PFKL: variants seen among roughly 807,000 people sequenced by gnomAD.
PFKL encodes ATP-dependent 6-phosphofructokinase, liver type.
In PFKL, 74 loss-of-function variants were observed where a neutral mutation model predicts 92.1. The observed-to-expected ratio is 0.80, with a 90% CI of 0.67 to 0.97. The LOEUF (loss-of-function observed/expected upper bound fraction) is 0.97, where lower values mean the gene tolerates loss of function less well. Ranked by LOEUF, PFKL falls within the 50% of genes least tolerant of loss-of-function variation. The pLI is 0.00. For missense variants in PFKL, 1,028 were observed against 1,116.6 expected, an observed-to-expected ratio of 0.92 and a Z score of 1.13; for synonymous variants, 494 against 456.4, an observed-to-expected ratio of 1.08 and a Z score of -1.05.
At chr21:44,322,392 G>T (rs1216757768) in intron 14 of PFKL, among the ~76,000 whole-genome samples, 189 bp downstream of exon 14, 1 of 152,248 alleles carries the variant, frequency 6.6e-6, no homozygotes, top group Non-Finnish European at 1.5e-5. Flanking sequence ...CCGCTGTGTA[G>T]GGCAGGCTGC....
intron 1 of PFKL, among the ~76,000 whole-genome samples, chr21:44,302,736 G>C (rs576941416): frequency 6.6e-6 from 1 of 152,120 alleles, no homozygotes; most frequent in Non-Finnish European, 1.5e-5. Flanking sequence ...GGGACTTCTC[G>C]GGCCTTGATT....
In PFKL at chr21:44,300,059, G is replaced by T; in HGVS notation, c.-47G>T. 1.1e-6 allele frequency: 1 copy of T among 919,804 alleles called. No individual in the cohort carries two copies. The highest frequency in any genetic ancestry group is 1.3e-6 in the Non-Finnish European group (1 of 765,312). The allele number at this position is 919,804 out of a possible 1,614,324, so 57.0% of individuals were successfully genotyped here. On this transcript the variant is annotated 5_prime_UTR_variant, in exon 1 of 22. Transcript: ENST00000349048. Reference sequence around the variant, plus strand: ...GGGGCGGGGCGGGGACGGCGACGCGGCGCAGGCGGCGGGAGTGCGAGCTGG... The same window carrying T: ...GGGGCGGGGCGGGGACGGCGACGCGTCGCAGGCGGCGGGAGTGCGAGCTGG...
rs759224144 is a variant in PFKL, at chr21:44,313,673, G to A, written c.629G>A (p.Arg210Gln). 5.0e-6 allele frequency: 8 copies of A among 1,611,892 alleles called. No homozygotes were observed. In the East Asian group the frequency reaches 6.7e-5, roughly 13 times the overall value. Residue 210 changes from arginine (R) to glutamine (Q), a missense_variant, in exon 6 of 22, where the codon CGG (arginine) becomes CAG (glutamine). Transcript: ENST00000349048. ...ACCTTCGTGCTGGAAGTGATGGGCCGGCACTGCGGGTGAGGAGGGGCTTCC... is the reference window on the plus strand; with the variant it reads ...ACCTTCGTGCTGGAAGTGATGGGCCAGCACTGCGGGTGAGGAGGGGCTTCC... ...QRTFVLEVMG[R>Q]HCGYLALVSA...
At chr21:44,301,968 G>T (rs1165623000) in intron 1 of PFKL, among the ~76,000 whole-genome samples, 1 of 152,236 alleles carries the variant, frequency 6.6e-6, no homozygotes, top group East Asian at 1.9e-4. Flanking sequence ...TGGGCCAGCG[G>T]GGAGGGGCAC....
At position 44,321,770 on chromosome 21, in the gene PFKL, G is replaced by T. The variant is rs142622427; in HGVS notation, c.1233G>T (p.Ala411=). The change falls in exon 13 of 22, where the codon GCG becomes GCT. Residue 411 remains alanine (A), a synonymous_variant. Transcript: ENST00000349048. ...SLAILNVGAP[A]AGMNAAVRSA... ...CCATCCTGAATGTGGGGGCCCCGGC[G>T]GCTGGCATGAATGCGGCCGTGCGCT... is the stretch of plus-strand genomic sequence containing the variant. 348 of 1,596,672 alleles carry T rather than the reference G, an allele frequency of 2.2e-4. 2 individuals are homozygous for T. In the East Asian group the frequency reaches 6.9e-3, roughly 32 times the overall value.
intron 1 of PFKL, among the ~76,000 whole-genome samples, chr21:44,304,886 G>T (rs1345983121): frequency 1.3e-5 from 2 of 152,060 alleles, no homozygotes; most frequent in Non-Finnish European, 2.9e-5. Context: ...ATGTGGGGAT[G>T]TGAGGGAGGC....
chr21:44,324,791 C>T (rs2047453926), intron 17 of PFKL, 65 bp from the exon 18 acceptor site: 8 of 1,583,784 alleles, frequency 5.1e-6, no homozygotes, highest in South Asian at 2.2e-5. Context: ...GGCCCCGGAT[C>T]GCCGGTCAGC....
intron 9 of PFKL, among the ~76,000 whole-genome samples, 159 bp downstream of exon 9, chr21:44,316,683 G>A (rs1393056947): frequency 1.3e-5 from 2 of 151,826 alleles, no homozygotes; most frequent in Non-Finnish European, 2.9e-5. Context: ...TGTGGGGGAC[G>A]CGTGGTCCTT....
intron 2 of PFKL, chr21:44,307,375 G>T: frequency 2.2e-6 from 2 of 895,614 alleles, no homozygotes; most frequent in Non-Finnish European, 2.7e-6. Context: ...ACACACAGGC[G>T]CATTCACACA....
In PFKL at chr21:44,315,711, G is replaced by T. The variant is rs138911415; in HGVS notation, c.748-533G>T. Reference sequence around the variant, plus strand: ...TGGCAGAGGGGATGGTGTGTCCTATGTGCACCAGTGTGGACCCACAGTGGC... The same window carrying T: ...TGGCAGAGGGGATGGTGTGTCCTATTTGCACCAGTGTGGACCCACAGTGGC... On this transcript the variant is annotated intron_variant, in intron 7 of 21. Coordinates refer to ENST00000349048, the MANE Select transcript of PFKL (RefSeq NM_002626.6). The T allele has an allele frequency of 3.8e-3, 672 of 176,472 alleles. 4 individuals are homozygous for T. The highest frequency in any genetic ancestry group is 0.011 in the Middle Eastern group (4 of 378). 10.9% of individuals were successfully genotyped at this position (176,472 alleles called of 1,614,324 possible). A position where few individuals can be genotyped will look rare whatever the true frequency, so the allele number is the denominator to read the frequency against.
chr21:44,305,301 C>T lies in PFKL; in HGVS notation c.86-1380C>T, dbSNP rs758404310. 12 of 1,362,724 alleles carry T rather than the reference C, an allele frequency of 8.8e-6. No individual in the cohort carries two copies. The East Asian group carries it at 2.3e-4, about 26-fold the overall frequency. 84.4% of individuals were successfully genotyped at this position (1,362,724 alleles called of 1,614,324 possible). A position where few individuals can be genotyped will look rare whatever the true frequency, so the allele number is the denominator to read the frequency against. On this transcript the variant is annotated intron_variant, in intron 1 of 21. Transcript: ENST00000349048. ...ACCTGCTCCCTGCTGCTGAGCCCCA[C>T]GCCAAGCTGGAGAGCGGATGAGAAG...
intron 4 of PFKL, 142 bp downstream of exon 4, chr21:44,312,436 A>T: frequency 1.3e-6 from 1 of 754,178 alleles, no homozygotes; most frequent in Non-Finnish European, 2.0e-6. Flanking sequence ...TTGGCCGGGG[A>T]GGAGTAGTGT....
chr21:44,324,174 G>A (rs949431689), intron 16 of PFKL, among the ~76,000 whole-genome samples: 6 of 152,102 alleles, frequency 3.9e-5, no homozygotes, highest in Admixed American at 6.5e-5. Flanking sequence ...ATGTCCCTGC[G>A]CCCCAGTGCT....
chr21:44,320,313 C>T (rs1473843853), intron 12 of PFKL, 166 bp downstream of exon 12: 2 of 540,336 alleles, frequency 3.7e-6, no homozygotes, highest in East Asian at 6.4e-5. Context: ...GCTCAGGCAC[C>T]ACTGTGGCTG....
intron 14 of PFKL, 58 bp from the exon 15 acceptor site, chr21:44,322,904 A>T: frequency 7.8e-7 from 1 of 1,285,750 alleles, no homozygotes. Flanking sequence ...GATCAGATGC[A>T]ATCTGGACAC....
At chr21:44,311,109 G>A in intron 3 of PFKL, 26 bp downstream of exon 3, 3 of 1,590,858 alleles carry the variant, frequency 1.9e-6, no homozygotes, top group Middle Eastern at 1.7e-4. Context: ...GCGGATGCAT[G>A]TTGCACTTGG....
At position 44,320,113 on chromosome 21, in the gene PFKL, A is replaced by G; in HGVS notation, c.1157A>G (p.Lys386Arg). 6.2e-7 allele frequency: 1 copy of G among 1,613,428 alleles called. No individual in the cohort carries two copies. Among genetic ancestry groups the G allele is most frequent in the Non-Finnish European group, 8.5e-7 (1 of 1,179,820 alleles). Reference protein sequence around the residue: ...GSFENNWNIYKLLAHQKPPKE... With the variant: ...GSFENNWNIYRLLAHQKPPKE... ...TTCGAGAACAACTGGAACATTTACA[A>G]GCTCCTCGCCCACCAGAAGCCCCCC... Residue 386 changes from lysine (K) to arginine (R), a missense_variant, in exon 12 of 22, where the codon AAG (lysine) becomes AGG (arginine). Physicochemically the swap from Lys to Arg is conservative, Grantham distance 26. Coordinates refer to ENST00000349048, the MANE Select transcript of PFKL (RefSeq NM_002626.6).
chr21:44,324,316 TG>T, intron 16 of PFKL, 174 bp from the exon 17 acceptor site: 1 of 650,120 alleles, frequency 1.5e-6, no homozygotes, highest in Non-Finnish European at 2.6e-6. Context: ...TGAGAACCCC[TG>T]GTCCTGTGGG....
chr21:44,301,347 C>T (rs898341688), intron 1 of PFKL, among the ~76,000 whole-genome samples: 1 of 152,220 alleles, frequency 6.6e-6, no homozygotes, highest in Admixed American at 6.5e-5. Flanking sequence ...CTGCTTGTTG[C>T]CGGCTACTGG....
Sources: allele counts gnomAD v4.1 joint callset (sites outside exome capture counted in the v4.1 genomes callset), GRCh38; gene constraint gnomAD v4.1.1; transcripts MANE v1.5; gene names NCBI Gene and HGNC (gene_info 2026-07-23, HGNC 2026-07-21).